CADM2: variants seen among roughly 807,000 people sequenced by gnomAD.
CADM2 encodes cell adhesion molecule 2.
In CADM2, 12 loss-of-function variants were observed where a neutral mutation model predicts 49.8. The ratio of observed to expected loss-of-function variants is 0.24; its 90% CI spans 0.15 to 0.39. The LOEUF is 0.39. CADM2 is among the 10% of genes least tolerant of loss of function. The pLI, the probability that CADM2 is intolerant of heterozygous loss-of-function variation, is 1.00. For synonymous variants in CADM2, 214 were observed against 175.4 expected, an observed-to-expected ratio of 1.22 and a Z score of -1.74; for missense variants, 378 against 492.3, an observed-to-expected ratio of 0.77 and a Z score of 2.20.
rs112454903 is a variant in CADM2 at position 85,185,059 on chromosome 3, T to C, written c.61+225391T>C. Among the ~76,000 whole-genome samples the C allele has an allele frequency of 2.2e-3, 330 of 152,196 alleles. 1 individual carries two copies. Among genetic ancestry groups the C allele is most frequent in the African/African-American group, 7.4e-3 (308 of 41,538 alleles). On this transcript the variant is annotated intron_variant, in intron 1 of 9. Coordinates refer to ENST00000383699, the MANE Select transcript of CADM2 (RefSeq NM_001167675.2). ...GAGAAATGTAACCCTAGCTCCAAGA[T>C]AGATGACAGATAGGGTATTATTTTT...
At chr3:85,346,500 C>T (rs1027000654) in intron 1 of CADM2, among the ~76,000 whole-genome samples, 3 of 151,976 alleles carry the variant, frequency 2.0e-5, no homozygotes, top group African/African-American at 4.8e-5. Flanking sequence ...AGATGAAATT[C>T]GCTTGTATTT....
At chr3:85,728,689 A>C (rs1248128237) in intron 2 of CADM2, among the ~76,000 whole-genome samples, 1 of 152,226 alleles carries the variant, frequency 6.6e-6, no homozygotes, top group Non-Finnish European at 1.5e-5. Flanking sequence ...TCATTTATCT[A>C]TCCTTATGGA....
At chr3:85,233,247 G>A (rs1376079996) in intron 1 of CADM2, among the ~76,000 whole-genome samples, 1 of 151,974 alleles carries the variant, frequency 6.6e-6, no homozygotes, top group East Asian at 1.9e-4. Flanking sequence ...AAGGAGGGAG[G>A]GATAAATAGG....
chr3:85,914,146 G>A (rs1334751790), intron 6 of CADM2, among the ~76,000 whole-genome samples: 5 of 152,124 alleles, frequency 3.3e-5, no homozygotes, highest in Non-Finnish European at 7.4e-5. Context: ...TTACAATTAT[G>A]TTAGGTTAAT....
chr3:85,251,093 GT>G (rs2042761654), intron 1 of CADM2, among the ~76,000 whole-genome samples: 1 of 151,566 alleles, frequency 6.6e-6, no homozygotes, highest in Non-Finnish European at 1.5e-5. Flanking sequence ...ATCCAGTTAA[GT>G]TTTAAATTGA....
intron 1 of CADM2, among the ~76,000 whole-genome samples, chr3:85,225,598 C>A (rs755459064): frequency 8.5e-5 from 13 of 152,130 alleles, no homozygotes; most frequent in Non-Finnish European, 1.8e-4. Context: ...TTATTTCTTT[C>A]TCTTGTCTGA....
intron 8 of CADM2, among the ~76,000 whole-genome samples, chr3:86,052,809 T>A (rs1005004872): frequency 5.9e-5 from 9 of 152,166 alleles, no homozygotes; most frequent in African/African-American, 2.2e-4. Context: ...ATAGAAAGAT[T>A]AATTACTGTT....
chr3:85,328,749 TAA>T (rs2044826121), intron 1 of CADM2, among the ~76,000 whole-genome samples: 1 of 152,202 alleles, frequency 6.6e-6, no homozygotes, highest in African/African-American at 2.4e-5. Flanking sequence ...TTGAAAATAC[TAA>T]GTCTAGAGAC....
At chr3:85,220,468 G>C (rs1172639548) in intron 1 of CADM2, among the ~76,000 whole-genome samples, 1 of 151,976 alleles carries the variant, frequency 6.6e-6, no homozygotes, top group Non-Finnish European at 1.5e-5. Context: ...TTTTTTGTTT[G>C]TCTCTGTAAT....
intron 3 of CADM2, among the ~76,000 whole-genome samples, chr3:85,813,223 CT>C (rs1376426863): frequency 6.6e-6 from 1 of 152,162 alleles, no homozygotes; most frequent in African/African-American, 2.4e-5. Flanking sequence ...TGTTTTCTGA[CT>C]TTTGAATGAT....
chr3:85,749,440 A>G lies in CADM2; in HGVS notation c.88+22892A>G, dbSNP rs554499022. Among the ~76,000 whole-genome samples, 10 of 152,002 alleles carry G rather than the reference A, an allele frequency of 6.6e-5. No individual in the cohort carries two copies. The South Asian group carries it at 2.1e-3, about 31-fold the overall frequency. On this transcript the variant is annotated intron_variant, in intron 2 of 9. Transcript: ENST00000383699. ...TTCACAGCATAACCCATTTTTTCCT[A>G]CTTATCATTACATTATTAAATGCTT...
intron 1 of CADM2, among the ~76,000 whole-genome samples, chr3:85,629,753 A>T (rs957067528): frequency 6.6e-6 from 1 of 151,998 alleles, no homozygotes; most frequent in African/African-American, 2.4e-5. Context: ...TAGATAAAAC[A>T]AAGTTTGCCA....
chr3:86,003,745 C>G (rs1730452050), intron 8 of CADM2, among the ~76,000 whole-genome samples: 1 of 152,092 alleles, frequency 6.6e-6, no homozygotes, highest in Non-Finnish European at 1.5e-5. Context: ...AAGTCTTTGT[C>G]ACACTAAGTT....
intron 1 of CADM2, among the ~76,000 whole-genome samples, chr3:85,511,542 A>G (rs2106840249): frequency 6.6e-6 from 1 of 152,218 alleles, no homozygotes; most frequent in South Asian, 2.1e-4. Context: ...GGAAAGTAAT[A>G]CAATTCCACC....
At chr3:85,842,866 A>T (rs1292527722) in intron 3 of CADM2, among the ~76,000 whole-genome samples, 1 of 152,134 alleles carries the variant, frequency 6.6e-6, no homozygotes, top group African/African-American at 2.4e-5. Flanking sequence ...ATTAGTAGAT[A>T]TTATACACAA....
intron 1 of CADM2, among the ~76,000 whole-genome samples, chr3:85,369,650 T>C (rs1048686764): frequency 5.3e-5 from 8 of 152,172 alleles, no homozygotes; most frequent in Admixed American, 3.3e-4. Flanking sequence ...TTAGACATGG[T>C]AGATCTTGTG....
chr3:85,644,394 G>A (rs1338140197), intron 1 of CADM2, among the ~76,000 whole-genome samples: 1 of 152,080 alleles, frequency 6.6e-6, no homozygotes, highest in African/African-American at 2.4e-5. Context: ...AGCCACACTG[G>A]GGTTTAGGGC....
intron 1 of CADM2, among the ~76,000 whole-genome samples, chr3:84,983,947 T>C (rs2032368780): frequency 6.6e-6 from 1 of 151,902 alleles, no homozygotes; most frequent in South Asian, 2.1e-4. Context: ...CATTATCAAC[T>C]TCAAGAAATT....
At chr3:85,306,878 G>C (rs1442404718) in intron 1 of CADM2, among the ~76,000 whole-genome samples, 2 of 151,304 alleles carry the variant, frequency 1.3e-5, no homozygotes, top group Admixed American at 1.3e-4. Context: ...TAATTTTTTT[G>C]CAAATAAATA....
Sources: gnomAD v4.1 joint callset for allele counts (sites outside exome capture counted in the v4.1 genomes callset) on GRCh38, gnomAD v4.1.1 for gene constraint, MANE v1.5 for transcripts, NCBI Gene and HGNC (gene_info 2026-07-23, HGNC 2026-07-21) for gene names.